The following IGSF3 variants were observed in gnomAD, a reference collection of about 807,000 sequenced individuals.
IGSF3 encodes the protein glu-Trp-Ile EWI motif-containing protein 3.
IGSF3 carries 23 observed loss-of-function variants against 114.4 expected under a neutral mutation model. The ratio of observed to expected loss-of-function variants is 0.20; its 90% CI spans 0.14 to 0.28. IGSF3 has a LOEUF of 0.28. IGSF3 is among the 10% of genes least tolerant of loss of function. The pLI, the probability that IGSF3 is intolerant of heterozygous loss-of-function variation, is 1.00. For synonymous variants in IGSF3, 571 were observed against 645.2 expected, an observed-to-expected ratio of 0.88 and a Z score of 1.74; for missense variants, 1,172 against 1,591.5, an observed-to-expected ratio of 0.74 and a Z score of 4.48.
intron 2 of IGSF3, among the ~76,000 whole-genome samples, chr1:116,622,749 C>T (rs1661462342): frequency 6.6e-6 from 1 of 152,184 alleles, no homozygotes. Context: ...TTCATTACAG[C>T]CACATTTACC....
chr1:116,664,715 C>G lies in IGSF3; in HGVS notation c.43+1569G>C, dbSNP rs938635720. Among the ~76,000 whole-genome samples the G allele has an allele frequency of 6.6e-6, 1 of 152,234 alleles. No individual in the cohort carries two copies. The highest frequency in any genetic ancestry group is 2.4e-5 in the African/African-American group (1 of 41,462). ...GCCTTCTTGACTCTGCCTGAGCATA[C>G]AGGTGACATGGAGACACTGCCTGTA... On this transcript the variant is annotated intron_variant, in intron 2 of 10. Coordinates refer to ENST00000369486, the MANE Select transcript of IGSF3 (RefSeq NM_001007237.3). The surrounding 1 kb of genome is among the most constrained non-coding windows in gnomAD (Gnocchi z 4.6).
chr1:116,662,387 C>A lies in IGSF3; in HGVS notation c.43+3897G>T, dbSNP rs699787. On this transcript the variant is annotated intron_variant, in intron 2 of 10. Coordinates refer to ENST00000369486, the MANE Select transcript of IGSF3 (RefSeq NM_001007237.3). The surrounding 1 kb of genome is among the most constrained non-coding windows in gnomAD (Gnocchi z 4.3). ...TGCCCAGCTTAGGCAAGTTACTTAACCTCCCTAAGCTTCAATCTCCCCATC... is the reference window on the plus strand; with the variant it reads ...TGCCCAGCTTAGGCAAGTTACTTAAACTCCCTAAGCTTCAATCTCCCCATC... Among the ~76,000 whole-genome samples, 2,141 of 152,218 alleles carry A rather than the reference C, an allele frequency of 0.014. 59 individuals are homozygous for A. The highest frequency in any genetic ancestry group is 0.049 in the African/African-American group (2,038 of 41,528).
In IGSF3 at chr1:116,585,976, C is replaced by A. The variant is rs950765939; in HGVS notation, c.2441-924G>T. The stretch of plus-strand genomic sequence containing the variant: ...AAACTCAGCCAAGCAGAGTCTCCTC[C>A]AGTAGAAAAATGTCTTTAATGACAG... On this transcript the variant is annotated intron_variant, in intron 8 of 10. Coordinates refer to ENST00000369486, the MANE Select transcript of IGSF3 (RefSeq NM_001007237.3). The surrounding 1 kb of genome is among the most constrained non-coding windows in gnomAD (Gnocchi z 4.9). Among the ~76,000 whole-genome samples, 12 of 152,192 alleles carry A rather than the reference C, an allele frequency of 7.9e-5. No homozygotes were observed. Among genetic ancestry groups the A allele is most frequent in the Admixed American group, 5.2e-4 (8 of 15,282 alleles).
In IGSF3 at chr1:116,588,822, C is replaced by A; in HGVS notation, c.2312G>T (p.Arg771Ile). 1 of 1,614,182 alleles carries A rather than the reference C, an allele frequency of 6.2e-7. No homozygotes were observed. The highest frequency in any genetic ancestry group is 8.5e-7 in the Non-Finnish European group (1 of 1,180,010). ...SGGLFSLTVQRAEVSDSGSYY... is the reference protein window; with the variant it reads ...SGGLFSLTVQIAEVSDSGSYY... Reference sequence around the variant, plus strand: ...GCTGCCGCTGTCGCTGACCTCGGCTCTCTGGACGGTGAGGCTGAACAGGCC... The same window carrying A: ...GCTGCCGCTGTCGCTGACCTCGGCTATCTGGACGGTGAGGCTGAACAGGCC... Residue 771 changes from arginine to isoleucine, a missense_variant, in exon 8 of 11, where the codon AGA becomes ATA. Transcript: ENST00000369486. The surrounding 1 kb of genome is among the most constrained non-coding windows in gnomAD (Gnocchi z 4.9).
At position 116,614,246 on chromosome 1, in the gene IGSF3, C is replaced by T; in HGVS notation, c.422-71G>A. 7.6e-7 allele frequency: 1 copy of T among 1,313,518 alleles called. No individual in the cohort carries two copies. Among genetic ancestry groups the T allele is most frequent in the Admixed American group, 1.8e-5 (1 of 56,602 alleles). The allele number at this position is 1,313,518 out of a possible 1,614,324, so 81.4% of individuals were successfully genotyped here. On this transcript the variant is annotated intron_variant, in intron 3 of 10. Transcript: ENST00000369486. The surrounding 1 kb of genome is among the most constrained non-coding windows in gnomAD (Gnocchi z 4.5). Reference sequence around the variant, plus strand: ...ATCTGAGACTCCCAGGGCTAAGCTCCCATTCCACGCAGGCGTCACTGCACT... The same window carrying T: ...ATCTGAGACTCCCAGGGCTAAGCTCTCATTCCACGCAGGCGTCACTGCACT...
intron 2 of IGSF3, among the ~76,000 whole-genome samples, chr1:116,643,110 C>T (rs1161297049): frequency 6.6e-6 from 1 of 152,200 alleles, no homozygotes; most frequent in African/African-American, 2.4e-5. Flanking sequence ...ATGGTGCAGG[C>T]TCCGCTGTTG....
intron 5 of IGSF3, 97 bp from the exon 6 acceptor site, chr1:116,604,122 A>G: frequency 8.9e-7 from 1 of 1,127,398 alleles, no homozygotes; most frequent in East Asian, 2.6e-5. Context: ...ATGGAATCAT[A>G]TTCAGGTACG....
chr1:116,659,156 T>A (rs1477655578), intron 2 of IGSF3, among the ~76,000 whole-genome samples: 1 of 152,172 alleles, frequency 6.6e-6, no homozygotes, highest in Non-Finnish European at 1.5e-5. Flanking sequence ...CTTCTGCTAC[T>A]ATAATTATAG....
At chr1:116,639,766 T>C (rs1423965662) in intron 2 of IGSF3, among the ~76,000 whole-genome samples, 1 of 152,136 alleles carries the variant, frequency 6.6e-6, no homozygotes, top group Non-Finnish European at 1.5e-5. Flanking sequence ...TATCATAAGA[T>C]GACAAAGAAA....
intron 7 of IGSF3, 124 bp downstream of exon 7, chr1:116,599,817 A>C: frequency 1.3e-6 from 1 of 781,928 alleles, no homozygotes; most frequent in Non-Finnish European, 2.0e-6. Flanking sequence ...TTGATTTGCA[A>C]TGTGTCTAAA....
rs761064394 is a variant in IGSF3 at position 116,603,879 on chromosome 1, G to A, written c.1369C>T (p.Arg457Cys). 16 of 1,613,966 alleles carry A rather than the reference G, an allele frequency of 9.9e-6. No individual in the cohort carries two copies. The highest frequency in any genetic ancestry group is 6.7e-5 in the African/African-American group (5 of 74,916). ...IWQLVDRQNR[R>C]SNIMWLDRDG... ...CGGTCTAGCCACATGATATTGCTGC[G>A]GCGGTTCTGCCTGTCCACAAGCTGC... Residue 457 changes from arginine (R) to cysteine (C), a missense_variant, in exon 6 of 11, where the codon CGC becomes TGC. Arg to Cys is a radical substitution (Grantham distance 180). Coordinates refer to ENST00000369486, the MANE Select transcript of IGSF3 (RefSeq NM_001007237.3). The surrounding 1 kb of genome is among the most constrained non-coding windows in gnomAD (Gnocchi z 7.1).
chr1:116,646,094 GCCTTC>G (rs1429985693), intron 2 of IGSF3, among the ~76,000 whole-genome samples: 1 of 152,228 alleles, frequency 6.6e-6, no homozygotes, highest in Non-Finnish European at 1.5e-5. Context: ...TCATAGAAGT[GCCTTC>G]CCACAACTGC....
Position 116,579,840 on chromosome 1 carries a change from G to A in IGSF3, c.2886C>T (p.Ala962=). Residue 962 remains alanine (A), a synonymous_variant, in exon 10 of 11, where the codon GCC becomes GCT. Transcript: ENST00000369486. The surrounding 1 kb of genome is among the most constrained non-coding windows in gnomAD (Gnocchi z 6.4). ...SLQVDTVVPN[A]TVSEKAAFQL... is the part of the protein sequence containing the mutation. ...GGAAAGCTGCCTTCTCAGAGACCGT[G>A]GCATTGGGGACCACTGTGTCCACCT... 1 of 1,611,708 alleles carries A rather than the reference G, an allele frequency of 6.2e-7. No homozygotes were observed. Among genetic ancestry groups the A allele is most frequent in the Non-Finnish European group, 8.5e-7 (1 of 1,179,710 alleles).
rs373474612 is a variant in IGSF3, at chr1:116,649,949, C to T, written c.43+16335G>A. 5.8e-4 allele frequency among the ~76,000 whole-genome samples: 88 copies of T among 152,312 alleles called. No homozygotes were observed. The highest frequency in any genetic ancestry group is 6.8e-3 in the Middle Eastern group (2 of 294). ...CATGCCACCATTCCTTTCCCCAGAA[C>T]GCCCTTCTGCTCCTCCCACACAAAT... On this transcript the variant is annotated intron_variant, in intron 2 of 10. Transcript: ENST00000369486. This position sits in a 1 kb window ranked among gnomAD's most constrained non-coding sequence, Gnocchi z 4.5.
At chr1:116,630,511 C>T (rs748710995) in intron 2 of IGSF3, among the ~76,000 whole-genome samples, 2 of 152,116 alleles carry the variant, frequency 1.3e-5, no homozygotes, top group Non-Finnish European at 2.9e-5. Context: ...AACTGAGGCT[C>T]GGAAAAATTG....
Position 116,588,842 on chromosome 1 carries a change from C to G in IGSF3, c.2292G>C (p.Leu764=), listed in dbSNP as rs753418651. The change falls in exon 8 of 11, where the codon CTG becomes CTC. Residue 764 remains leucine (L), a synonymous_variant. Transcript: ENST00000369486. The surrounding 1 kb of genome is among the most constrained non-coding windows in gnomAD (Gnocchi z 4.9). ...CGGCTCTCTGGACGGTGAGGCTGAA[C>G]AGGCCCCCCGACACATGCCTCTCAA... is the stretch of plus-strand genomic sequence containing the variant. ...LQFERHVSGG[L]FSLTVQRAEV... is the part of the protein sequence containing the mutation. The G allele has an allele frequency of 6.2e-7, 1 of 1,614,216 alleles. No homozygotes were observed. The highest frequency in any genetic ancestry group is 2.2e-5 in the East Asian group (1 of 44,884).
chr1:116,593,738 T>C lies in IGSF3; in HGVS notation c.2030-4634A>G, dbSNP rs1015313748. ...GCCACAGCCAGGGGATTTCCCTAAA[T>C]GGCAAATGGGGCATGCTACTGCCCA... On this transcript the variant is annotated intron_variant, in intron 7 of 10. Coordinates refer to ENST00000369486, the MANE Select transcript of IGSF3 (RefSeq NM_001007237.3). This position sits in a 1 kb window ranked among gnomAD's most constrained non-coding sequence, Gnocchi z 4.5. Among the ~76,000 whole-genome samples the C allele has an allele frequency of 6.6e-6, 1 of 152,122 alleles. No homozygotes were observed. The highest frequency in any genetic ancestry group is 2.4e-5 in the African/African-American group (1 of 41,422).
intron 4 of IGSF3, among the ~76,000 whole-genome samples, chr1:116,611,710 G>A (rs7525288): frequency 0.012 from 1,779 of 152,072 alleles, 42 homozygotes; most frequent in African/African-American, 0.041. Context: ...GGTGTTCCTG[G>A]ATTTGTCTTA....
In IGSF3 at chr1:116,600,165, C is replaced by A; in HGVS notation, c.1805G>T (p.Gly602Val). 6.2e-7 allele frequency: 1 copy of A among 1,614,116 alleles called. No homozygotes were observed. The highest frequency in any genetic ancestry group is 8.5e-7 in the Non-Finnish European group (1 of 1,179,996). ...FHDLVTFTRD[G>V]GVQWGDRSSS... ...GGACCTGTCCCCCCACTGGACCCCT[C>A]CGTCCCGGGTGAAGGTCACCAAGTC... The change falls in exon 7 of 11, where the codon GGA (glycine) becomes GTA (valine). Residue 602 changes from glycine to valine, a missense_variant. Physicochemically the swap from Gly to Val is moderately radical, Grantham distance 109. This residue lies in a region of IGSF3 where 736 missense variants were observed against 1,042.0 expected (regional missense o/e 0.71). Coordinates refer to ENST00000369486, the MANE Select transcript of IGSF3 (RefSeq NM_001007237.3). The surrounding 1 kb of genome is among the most constrained non-coding windows in gnomAD (Gnocchi z 5.5).
Sources: allele counts gnomAD v4.1 joint callset (sites outside exome capture counted in the v4.1 genomes callset), GRCh38; gene constraint gnomAD v4.1.1; regional missense constraint gnomAD v4.1.1; non-coding constraint Gnocchi (gnomAD v3.1); transcripts MANE v1.5; gene names NCBI Gene and HGNC (gene_info 2026-07-23, HGNC 2026-07-21).